Variants in ANKFN1 observed in about 807,000 individuals in gnomAD.
ANKFN1 encodes the protein ankyrin repeat and fibronectin type III domain containing 1, also known as ankyrin repeat and fibronectin type-III domain-containing protein 1.
In ANKFN1, 74 loss-of-function variants were observed where a neutral mutation model predicts 108.7. That is an observed-to-expected ratio of 0.68 (90% CI 0.56 to 0.83). The LOEUF (loss-of-function observed/expected upper bound fraction) is 0.83, where lower values mean the gene tolerates loss of function less well. Ranked by LOEUF, ANKFN1 falls within the 40% of genes least tolerant of loss-of-function variation. The probability of loss-of-function intolerance (pLI) is 0.00; values close to 1 mark genes in which losing one functional copy is unlikely to be tolerated. For synonymous variants in ANKFN1, 547 were observed against 516.2 expected (o/e 1.06, Z -0.81); for missense variants, 1,505 against 1,382.3 (o/e 1.09, Z -1.41).
At chr17:56,253,642 C>T (rs963020662) in intron 3 of ANKFN1, among the ~76,000 whole-genome samples, 1 of 152,096 alleles carries the variant, frequency 6.6e-6, no homozygotes, top group Non-Finnish European at 1.5e-5. Context: ...GAGGCCAAGG[C>T]ACGAGAGAAT....
At chr17:56,453,515 G>C (rs1440754452) in intron 11 of ANKFN1, among the ~76,000 whole-genome samples, 1 of 152,036 alleles carries the variant, frequency 6.6e-6, no homozygotes, top group Non-Finnish European at 1.5e-5. Flanking sequence ...AACATTCATG[G>C]AGTCCTCTGT....
intron 4 of ANKFN1, among the ~76,000 whole-genome samples, chr17:56,143,778 G>C (rs952682576): frequency 1.3e-5 from 2 of 152,102 alleles, no homozygotes; most frequent in African/African-American, 4.8e-5. Context: ...GCCAAGTGAA[G>C]CCGAACACAG....
At chr17:56,312,192 T>A (rs758717972) in intron 3 of ANKFN1, among the ~76,000 whole-genome samples, 9 of 152,202 alleles carry the variant, frequency 5.9e-5, no homozygotes, top group Non-Finnish European at 1.3e-4. Flanking sequence ...AGTAGACCTG[T>A]GTTCTGTGCT....
chr17:56,311,062 A>C (rs1351292027), intron 3 of ANKFN1, among the ~76,000 whole-genome samples: 2 of 152,064 alleles, frequency 1.3e-5, no homozygotes, highest in Non-Finnish European at 2.9e-5. Context: ...CATTTAGCAT[A>C]ATGTCCTCCA....
chr17:56,078,153 A>G (rs1171057425), intron 4 of ANKFN1, among the ~76,000 whole-genome samples: 1 of 152,224 alleles, frequency 6.6e-6, no homozygotes, highest in African/African-American at 2.4e-5. Context: ...CAACTCTTTT[A>G]GCTGGGCTAC....
chr17:56,141,240 C>T (rs890020585), intron 4 of ANKFN1, among the ~76,000 whole-genome samples: 3 of 152,278 alleles, frequency 2.0e-5, no homozygotes, highest in South Asian at 4.1e-4. Flanking sequence ...CTGTAGACAG[C>T]GCCACCACAA....
chr17:56,089,844 C>G (rs2143189034), intron 4 of ANKFN1, among the ~76,000 whole-genome samples: 1 of 151,380 alleles, frequency 6.6e-6, no homozygotes. Context: ...CTCCCTGAGC[C>G]TTTGTTTCCT....
intron 20 of ANKFN1, among the ~76,000 whole-genome samples, chr17:56,499,728 GAAGTCT>G (rs1303670387): frequency 2.0e-5 from 3 of 152,080 alleles, no homozygotes; most frequent in South Asian, 4.1e-4. Context: ...CCTTGAGTAT[GAAGTCT>G]AACAGCAAAA....
chr17:56,181,610 G>A (rs1366740324), intron 1 of ANKFN1, among the ~76,000 whole-genome samples: 2 of 152,194 alleles, frequency 1.3e-5, no homozygotes, highest in Admixed American at 1.3e-4. Flanking sequence ...CCAGTCAAGT[G>A]CAACTTCCAG....
intron 4 of ANKFN1, among the ~76,000 whole-genome samples, chr17:56,349,392 G>A (rs1308163343): frequency 9.1e-6 from 1 of 109,958 alleles, no homozygotes; most frequent in East Asian, 2.9e-4. Flanking sequence ...CTTAAAAGCT[G>A]GAAAAAAAAA....
intron 2 of ANKFN1, among the ~76,000 whole-genome samples, chr17:56,225,915 A>G (rs1192387535): frequency 6.6e-6 from 1 of 152,358 alleles, no homozygotes; most frequent in East Asian, 1.9e-4. Flanking sequence ...TTCTTGTCCA[A>G]TGAATCTGTG....
chr17:56,236,714 C>T (rs901242962), intron 3 of ANKFN1, among the ~76,000 whole-genome samples: 3 of 152,144 alleles, frequency 2.0e-5, no homozygotes, highest in Non-Finnish European at 4.4e-5. Context: ...CTGGCCAGGA[C>T]TTCCAATACT....
chr17:56,049,533 C>T (rs1382574667), intron 4 of ANKFN1, among the ~76,000 whole-genome samples: 1 of 151,684 alleles, frequency 6.6e-6, no homozygotes, highest in Non-Finnish European at 1.5e-5. Flanking sequence ...CAATGCTATC[C>T]CTCCCCCTTC....
intron 4 of ANKFN1, among the ~76,000 whole-genome samples, chr17:56,103,122 T>C (rs945107433): frequency 2.0e-5 from 3 of 152,158 alleles, no homozygotes; most frequent in Non-Finnish European, 4.4e-5. Flanking sequence ...TGAGCAAAAA[T>C]GCTGACTGCA....
chr17:56,297,710 T>C (rs2044554197), intron 3 of ANKFN1, among the ~76,000 whole-genome samples: 1 of 152,176 alleles, frequency 6.6e-6, no homozygotes, highest in African/African-American at 2.4e-5. Flanking sequence ...TCCTCTAAAA[T>C]GCAAAATAAC....
chr17:56,484,480 A>G (rs1003845249), intron 18 of ANKFN1, among the ~76,000 whole-genome samples: 3 of 152,248 alleles, frequency 2.0e-5, no homozygotes, highest in Admixed American at 6.5e-5. Flanking sequence ...TTCAGCTTCA[A>G]TGACTATGAG....
chr17:56,145,872 G>A (rs1004323776), intron 4 of ANKFN1, among the ~76,000 whole-genome samples: 10 of 152,078 alleles, frequency 6.6e-5, no homozygotes, highest in Admixed American at 3.9e-4. Context: ...CCAAACAATT[G>A]CCTGAGGTCT....
chr17:56,130,647 T>C (rs1348287435), intron 4 of ANKFN1, among the ~76,000 whole-genome samples: 1 of 152,116 alleles, frequency 6.6e-6, no homozygotes, highest in African/African-American at 2.4e-5. Context: ...CATGCAGGTT[T>C]ACTGGATTGA....
intron 19 of ANKFN1, among the ~76,000 whole-genome samples, chr17:56,495,613 A>G (rs1391277640): frequency 1.3e-5 from 2 of 152,174 alleles, no homozygotes; most frequent in East Asian, 1.9e-4. Context: ...GTAGAAAATC[A>G]TAGATAAGGC....
Sources: allele counts gnomAD v4.1 joint callset (sites outside exome capture counted in the v4.1 genomes callset), GRCh38; gene constraint gnomAD v4.1.1; transcripts MANE v1.5; gene names NCBI Gene and HGNC (gene_info 2026-07-23, HGNC 2026-07-21).